Variants in LMBR1 observed in about 807,000 individuals in gnomAD.
The protein encoded by LMBR1 is limb development membrane protein 1.
LMBR1 carries 52 observed loss-of-function variants against 73.9 expected under a neutral mutation model. That is an observed-to-expected ratio of 0.70 (90% CI 0.56 to 0.89). The LOEUF (loss-of-function observed/expected upper bound fraction) is 0.89. LMBR1 is among the 40% of genes least tolerant of loss of function. The pLI is 0.00. For missense variants in LMBR1, 539 were observed against 579.8 expected (o/e 0.93, Z 0.72); for synonymous variants, 215 against 209.4 (o/e 1.03, Z -0.23).
At chr7:156,841,726 A>G (rs189740714) in intron 1 of LMBR1, among the ~76,000 whole-genome samples, 1 of 152,294 alleles carries the variant, frequency 6.6e-6, no homozygotes, top group African/African-American at 2.4e-5. Flanking sequence ...GACAAGAGTT[A>G]TCTTGATGGA....
chr7:156,844,313 G>C (rs967336055), intron 1 of LMBR1, among the ~76,000 whole-genome samples: 2 of 151,982 alleles, frequency 1.3e-5, no homozygotes, highest in African/African-American at 2.4e-5. Context: ...GACAGAACAA[G>C]ACTCCGTCTC....
At chr7:156,692,741 C>T (rs1807487504) in intron 15 of LMBR1, among the ~76,000 whole-genome samples, 1 of 152,148 alleles carries the variant, frequency 6.6e-6, no homozygotes, top group South Asian at 2.1e-4. Context: ...GACACAGTGG[C>T]CAGTGGGCTG....
chr7:156,872,982 C>T (rs1219878623), intron 1 of LMBR1, among the ~76,000 whole-genome samples: 7 of 152,190 alleles, frequency 4.6e-5, no homozygotes, highest in Non-Finnish European at 5.9e-5. Flanking sequence ...AATGAAGCCG[C>T]GGACCCTCAC....
chr7:156,763,679 T>C lies in LMBR1; in HGVS notation c.540A>G (p.Glu180=). The C allele has an allele frequency of 3.1e-6, 5 of 1,590,922 alleles. No homozygotes were observed. The highest frequency in any genetic ancestry group is 4.3e-6 in the Non-Finnish European group (5 of 1,173,978). The change falls in exon 6 of 17, where the codon GAA becomes GAG. Residue 180 remains glutamate (E), a synonymous_variant. Transcript: ENST00000353442. The part of the protein sequence containing the change: ...ALIDNDAASM[E]SLYDLWEFYL... Reference sequence around the variant, plus strand: ...CAAGGAAATCCATACCATATAAAGATTCCATGCTTGCGGCATCGTTGTCAA... The same window carrying C: ...CAAGGAAATCCATACCATATAAAGACTCCATGCTTGCGGCATCGTTGTCAA...
At chr7:156,739,543 T>C (rs1037629554) in intron 9 of LMBR1, among the ~76,000 whole-genome samples, 1 of 152,194 alleles carries the variant, frequency 6.6e-6, no homozygotes, top group Non-Finnish European at 1.5e-5. Flanking sequence ...CCAGTGTTGG[T>C]GGCCACAGGA....
intron 5 of LMBR1, among the ~76,000 whole-genome samples, chr7:156,787,591 C>G (rs577430362): frequency 6.6e-6 from 1 of 152,152 alleles, no homozygotes; most frequent in Non-Finnish European, 1.5e-5. Context: ...TTTTGAAACT[C>G]TAATCTGCTG....
chr7:156,696,593 T>TGGAAGATTGTGCTG (rs1808335729), intron 15 of LMBR1, among the ~76,000 whole-genome samples: 1 of 152,186 alleles, frequency 6.6e-6, no homozygotes, highest in Non-Finnish European at 1.5e-5. Flanking sequence ...CAAGACAGAA[T>TGGAAGATTGTGCTG]GGAAGCTTGT....
chr7:156,692,306 AC>A (rs1405810117), intron 15 of LMBR1, among the ~76,000 whole-genome samples: 1 of 152,044 alleles, frequency 6.6e-6, no homozygotes, highest in Non-Finnish European at 1.5e-5. Flanking sequence ...CAAACTCCTG[AC>A]CTCAGATGAT....
At chr7:156,826,306 G>A (rs1441542141) in intron 4 of LMBR1, among the ~76,000 whole-genome samples, 1 of 152,142 alleles carries the variant, frequency 6.6e-6, no homozygotes, top group African/African-American at 2.4e-5. Flanking sequence ...AATGGAGGTT[G>A]AGTTCTTCTG....
intron 15 of LMBR1, among the ~76,000 whole-genome samples, chr7:156,721,440 G>A (rs1309778979): frequency 2.0e-5 from 3 of 151,876 alleles, no homozygotes; most frequent in Non-Finnish European, 4.4e-5. Flanking sequence ...ATAGAATTTT[G>A]GACATCTATA....
intron 1 of LMBR1, among the ~76,000 whole-genome samples, chr7:156,840,065 G>A (rs910834203): frequency 3.3e-5 from 5 of 152,164 alleles, no homozygotes; most frequent in Non-Finnish European, 5.9e-5. Flanking sequence ...AGAGAGATTC[G>A]ATGACCAAGG....
At chr7:156,758,007 A>G (rs1822225540) in intron 8 of LMBR1, among the ~76,000 whole-genome samples, 2 of 152,232 alleles carry the variant, frequency 1.3e-5, no homozygotes, top group Admixed American at 6.5e-5. Flanking sequence ...AAGAATGACC[A>G]TCCTATGAGG....
At chr7:156,719,753 G>C (rs1460259434) in intron 15 of LMBR1, among the ~76,000 whole-genome samples, 1 of 152,108 alleles carries the variant, frequency 6.6e-6, no homozygotes, top group Non-Finnish European at 1.5e-5. Flanking sequence ...TACCAAAACA[G>C]AGATATAGAT....
chr7:156,763,155 G>A lies in LMBR1; in HGVS notation c.572C>T (p.Pro191Leu). Residue 191 changes from proline to leucine, a missense_variant, in exon 7 of 17, where the codon CCC becomes CTC. Around this residue, in one of 3 missense-constraint regions of LMBR1, gnomAD observed 454 missense variants for 473.4 expected, o/e 0.96. Transcript: ENST00000353442. ...CAATGATATACAGGAATATAAATAGGGTAGATAGAACTCCCAGAGATCTAT... is the reference window on the plus strand; with the variant it reads ...CAATGATATACAGGAATATAAATAGAGTAGATAGAACTCCCAGAGATCTAT... ...SLYDLWEFYLPYLYSCISLMG... is the reference protein window; with the variant it reads ...SLYDLWEFYLLYLYSCISLMG... The A allele has an allele frequency of 7.2e-7, 1 of 1,395,344 alleles. No individual in the cohort carries two copies. Among genetic ancestry groups the A allele is most frequent in the African/African-American group, 1.5e-5 (1 of 68,428 alleles). 86.4% of individuals were successfully genotyped at this position (1,395,344 alleles called of 1,614,324 possible). A position where few individuals can be genotyped will look rare whatever the true frequency, so the allele number is the denominator to read the frequency against.
chr7:156,719,929 C>T (rs1814155485), intron 15 of LMBR1, among the ~76,000 whole-genome samples: 1 of 151,056 alleles, frequency 6.6e-6, no homozygotes, highest in African/African-American at 2.4e-5. Flanking sequence ...TGGATCCCTT[C>T]CTTACACCTT....
rs553974581 is a variant in LMBR1 at position 156,779,084 on chromosome 7, G to A, written c.424-15289C>T. Among the ~76,000 whole-genome samples the A allele has an allele frequency of 2.6e-5, 4 of 152,278 alleles. No individual in the cohort carries two copies. In the East Asian group the frequency reaches 7.7e-4, roughly 29 times the overall value. ...GTTCCTCTAGTGAAAAAAGTCTCCT[G>A]AATACAAGATCACAGGACTATAAGA... On this transcript the variant is annotated intron_variant, in intron 5 of 16. Coordinates refer to ENST00000353442, the MANE Select transcript of LMBR1 (RefSeq NM_022458.4).
At chr7:156,835,909 T>C (rs1202870824) in intron 2 of LMBR1, among the ~76,000 whole-genome samples, 2 of 152,226 alleles carry the variant, frequency 1.3e-5, no homozygotes, top group African/African-American at 4.8e-5. Context: ...TATACATTCA[T>C]TCTTTCTCTC....
intron 4 of LMBR1, 114 bp downstream of exon 4, chr7:156,826,491 T>G (rs1835719099): frequency 1.6e-6 from 1 of 642,534 alleles, no homozygotes; most frequent in African/African-American, 1.9e-5. Context: ...CCCAAATCGT[T>G]TACTGGAGGA....
intron 1 of LMBR1, among the ~76,000 whole-genome samples, chr7:156,867,003 T>G (rs1798567116): frequency 6.6e-6 from 1 of 152,216 alleles, no homozygotes; most frequent in South Asian, 2.1e-4. Flanking sequence ...TTGGGTCGGA[T>G]GTAAGTGACT....
Sources: allele counts gnomAD v4.1 joint callset (sites outside exome capture counted in the v4.1 genomes callset), GRCh38; gene constraint gnomAD v4.1.1; regional missense constraint gnomAD v4.1.1; transcripts MANE v1.5; gene names NCBI Gene and HGNC (gene_info 2026-07-23, HGNC 2026-07-21).